Variants in CYP39A1 observed in about 807,000 individuals in gnomAD.
CYP39A1 encodes 24-hydroxycholesterol 7-alpha-hydroxylase.
CYP39A1 carries 49 observed loss-of-function variants against 58.1 expected under a neutral mutation model. The observed-to-expected ratio is 0.84, with a 90% CI of 0.67 to 1.07. The LOEUF is 1.07. Among genes scored for constraint, CYP39A1 ranks in the 50% least tolerant of loss-of-function variants. The pLI is 0.00. For synonymous variants in CYP39A1, 209 were observed against 187.6 expected, an observed-to-expected ratio of 1.11 and a Z score of -0.93; for missense variants, 531 against 539.4, an observed-to-expected ratio of 0.98 and a Z score of 0.16.
intron 1 of CYP39A1, among the ~76,000 whole-genome samples, chr6:46,651,510 C>A (rs983036633): frequency 2.6e-5 from 4 of 152,068 alleles, no homozygotes; most frequent in East Asian, 3.9e-4. Context: ...AATATAAATA[C>A]ACTAAATTTT....
intron 7 of CYP39A1, among the ~76,000 whole-genome samples, chr6:46,606,046 C>T (rs1773822804): frequency 6.6e-6 from 1 of 152,118 alleles, no homozygotes; most frequent in Non-Finnish European, 1.5e-5. Context: ...CAGTGACCTA[C>T]ATATTGCATA....
At chr6:46,584,121 T>G (rs3799887) in intron 10 of CYP39A1, among the ~76,000 whole-genome samples, 30,029 of 152,088 alleles carry the variant, frequency 0.2, 3,081 homozygotes, top group East Asian at 0.2. Context: ...TCCTGAACAA[T>G]TTGCTATTTT....
chr6:46,588,185 T>A, intron 8 of CYP39A1, 56 bp from the exon 9 acceptor site: 2 of 1,052,086 alleles, frequency 1.9e-6, no homozygotes, highest in East Asian at 2.6e-5. Flanking sequence ...TTAAAGAGAA[T>A]TTGGGCCACT....
intron 7 of CYP39A1, among the ~76,000 whole-genome samples, chr6:46,603,979 C>G (rs1329043538): frequency 1.3e-5 from 2 of 152,104 alleles, no homozygotes; most frequent in East Asian, 3.9e-4. Context: ...GTCAAGTATA[C>G]AATGCCTAGC....
intron 5 of CYP39A1, among the ~76,000 whole-genome samples, chr6:46,635,512 G>C (rs1397723304): frequency 1.3e-5 from 2 of 152,116 alleles, no homozygotes; most frequent in Admixed American, 1.3e-4. Context: ...CAAAGGTAAG[G>C]CTTGTTAAAG....
chr6:46,564,126 TTC>T (rs1228385056), intron 10 of CYP39A1, among the ~76,000 whole-genome samples: 1 of 118,032 alleles, frequency 8.5e-6, no homozygotes, highest in African/African-American at 6.0e-5. Context: ...TTCTATTTTA[TTC>T]TATTTTATTC....
intron 4 of CYP39A1, among the ~76,000 whole-genome samples, chr6:46,637,436 T>C (rs1021592450): frequency 6.6e-6 from 1 of 152,214 alleles, no homozygotes; most frequent in Non-Finnish European, 1.5e-5. Flanking sequence ...CTGTGAGAAA[T>C]GCATTTAACC....
chr6:46,550,969 T>A (rs1283223351), intron 11 of CYP39A1, among the ~76,000 whole-genome samples: 1 of 152,162 alleles, frequency 6.6e-6, no homozygotes, highest in Non-Finnish European at 1.5e-5. Flanking sequence ...CTGACTTTTT[T>A]CGCCCGAGTT....
intron 10 of CYP39A1, among the ~76,000 whole-genome samples, chr6:46,559,018 G>T (rs1214711987): frequency 6.6e-6 from 1 of 150,402 alleles, no homozygotes; most frequent in Admixed American, 6.6e-5. Context: ...AAAAAAAGGT[G>T]ATGGTCTTTG....
Position 46,553,699 on chromosome 6 carries a change from G to A in CYP39A1, c.1338+68C>T, listed in dbSNP as rs546272566. ...AGCTCATCTCTAGTAATCAAAATTG[G>A]GGGAAGTGGGGGTGGTTATGTCATA... On this transcript the variant is annotated intron_variant, in intron 11 of 11. Coordinates refer to ENST00000275016, the MANE Select transcript of CYP39A1 (RefSeq NM_016593.5). 16 of 1,014,748 alleles carry A rather than the reference G, an allele frequency of 1.6e-5. No homozygotes were observed. In the East Asian group the frequency reaches 3.4e-4, roughly 22 times the overall value. The allele number at this position is 1,014,748 out of a possible 1,614,324, so 62.9% of individuals were successfully genotyped here.
intron 7 of CYP39A1, among the ~76,000 whole-genome samples, chr6:46,607,953 T>C (rs967568502): frequency 2.0e-5 from 3 of 152,128 alleles, no homozygotes; most frequent in African/African-American, 7.2e-5. Context: ...GTTTAAAATA[T>C]ATAAAGTTGA....
chr6:46,574,875 A>C (rs1441538100), intron 10 of CYP39A1, among the ~76,000 whole-genome samples: 1 of 151,900 alleles, frequency 6.6e-6, no homozygotes, highest in Non-Finnish European at 1.5e-5. Flanking sequence ...AACTAGATAC[A>C]GCCAGGAAGA....
At position 46,549,992 on chromosome 6, in the gene CYP39A1, T is replaced by A. The variant is rs1321539376; in HGVS notation, c.*374A>T. 6.2e-6 allele frequency: 1 copy of A among 160,876 alleles called. No homozygotes were observed. Among genetic ancestry groups the A allele is most frequent in the Non-Finnish European group, 1.4e-5 (1 of 73,834 alleles). 10.0% of individuals were successfully genotyped at this position (160,876 alleles called of 1,614,324 possible). On this transcript the variant is annotated 3_prime_UTR_variant, in exon 12 of 12. Transcript: ENST00000275016. ...CCTTTTAGACTTTTCAAAATAAAAA[T>A]TTAAGTATGCTGCCTTCACAGTGAA...
Position 46,550,925 on chromosome 6 carries a change from C to G in CYP39A1, c.1339-488G>C, listed in dbSNP as rs147976897. Reference sequence around the variant, plus strand: ...TTTTGAGAGGAGTCTCACTCCATCGCCCCCATAAAGATACTTTGTAGGCTC... The same window carrying G: ...TTTTGAGAGGAGTCTCACTCCATCGGCCCCATAAAGATACTTTGTAGGCTC... On this transcript the variant is annotated intron_variant, in intron 11 of 11. Coordinates refer to ENST00000275016, the MANE Select transcript of CYP39A1 (RefSeq NM_016593.5). Among the ~76,000 whole-genome samples the G allele has an allele frequency of 4.8e-3, 733 of 152,210 alleles. 9 individuals carry two copies. Among genetic ancestry groups the G allele is most frequent in the Admixed American group, 0.018 (270 of 15,272 alleles).
intron 6 of CYP39A1, among the ~76,000 whole-genome samples, chr6:46,630,321 A>G (rs1158582847): frequency 6.6e-6 from 1 of 152,152 alleles, no homozygotes; most frequent in Non-Finnish European, 1.5e-5. Context: ...GATACCAGCT[A>G]GGCTTATCTT....
At chr6:46,551,206 G>T (rs1770376676) in intron 11 of CYP39A1, among the ~76,000 whole-genome samples, 1 of 152,050 alleles carries the variant, frequency 6.6e-6, no homozygotes, top group South Asian at 2.1e-4. Flanking sequence ...TCTTTAGCAA[G>T]GAGATTCTTT....
intron 1 of CYP39A1, among the ~76,000 whole-genome samples, chr6:46,647,053 AC>A (rs1762371575): frequency 6.6e-6 from 1 of 150,778 alleles, no homozygotes; most frequent in African/African-American, 2.4e-5. Flanking sequence ...TCTGTTCCTT[AC>A]TATTTCCTTC....
intron 10 of CYP39A1, among the ~76,000 whole-genome samples, chr6:46,562,766 A>T (rs1384418347): frequency 1.3e-5 from 2 of 152,084 alleles, no homozygotes; most frequent in African/African-American, 4.8e-5. Context: ...ATGTATTAAA[A>T]CAATTTTCTG....
intron 7 of CYP39A1, among the ~76,000 whole-genome samples, chr6:46,604,821 C>T (rs888984813): frequency 2.0e-5 from 3 of 151,958 alleles, no homozygotes; most frequent in African/African-American, 7.3e-5. Flanking sequence ...GAATGATATC[C>T]TTTGCAATTA....
Sources: gnomAD v4.1 joint callset for allele counts (sites outside exome capture counted in the v4.1 genomes callset) on GRCh38, gnomAD v4.1.1 for gene constraint, MANE v1.5 for transcripts, NCBI Gene and HGNC (gene_info 2026-07-23, HGNC 2026-07-21) for gene names.